The following TENM2 variants were observed in gnomAD, a reference collection of about 807,000 sequenced individuals.
The protein encoded by TENM2 is teneurin-2.
A neutral mutation model predicts 245.2 loss-of-function variants in TENM2; 52 were observed. That is an observed-to-expected ratio of 0.21 (90% CI 0.17 to 0.27). TENM2 has a LOEUF of 0.27. TENM2 is among the 10% of genes least tolerant of loss of function. TENM2 has a pLI of 1.00. For synonymous variants in TENM2, 1,363 were observed against 1,438.9 expected (o/e 0.95, Z 1.19); for missense variants, 3,046 against 3,666.8 (o/e 0.83, Z 4.37).
At chr5:167,535,983 C>T (rs986953728) in intron 2 of TENM2, among the ~76,000 whole-genome samples, 8 of 152,224 alleles carry the variant, frequency 5.3e-5, no homozygotes, top group Middle Eastern at 6.8e-3. Context: ...CTTTGCCAAG[C>T]AGTCTACATG....
chr5:167,452,948 T>TATTTTTTAA (rs1554157744), intron 2 of TENM2, among the ~76,000 whole-genome samples: 3 of 47,510 alleles, frequency 6.3e-5, no homozygotes, highest in South Asian at 7.0e-4. Context: ...TATATATATA[T>TATTTTTTAA]ATATATATAT....
At chr5:167,671,973 C>T (rs936917564) in intron 2 of TENM2, among the ~76,000 whole-genome samples, 4 of 151,992 alleles carry the variant, frequency 2.6e-5, no homozygotes, top group Admixed American at 1.3e-4. Flanking sequence ...GTTTTTCCTG[C>T]ATTATCTCAC....
exon 27 of TENM2, chr5:168,246,957 C>A: frequency 1.9e-6 from 3 of 1,614,018 alleles, no homozygotes; most frequent in Non-Finnish European, 2.5e-6. Context: ...ACGGCCGCAT[C>A]CTGAAGACCT....
At chr5:167,883,600 A>T (rs1774051060) in intron 3 of TENM2, among the ~76,000 whole-genome samples, 1 of 152,200 alleles carries the variant, frequency 6.6e-6, no homozygotes, top group South Asian at 2.1e-4. Flanking sequence ...CAAAATTCTC[A>T]GGGTCGATAG....
rs1764153975 is a variant in TENM2 at position 168,226,070 on chromosome 5, C to T, written c.5109-18C>T. On this transcript the variant is annotated intron_variant, in intron 23 of 28. Coordinates refer to ENST00000518659, the Ensembl canonical transcript of TENM2. ...CTGCTGCTAACCAGGGTTTATCTAT[C>T]TATCTATCTCCCCCCAGCTATGACC... 4 of 1,608,244 alleles carry T rather than the reference C, an allele frequency of 2.5e-6. No individual in the cohort carries two copies. The highest frequency in any genetic ancestry group is 1.3e-5 in the African/African-American group (1 of 74,788).
chr5:167,201,457 A>G, the TENM2 span, among the ~76,000 whole-genome samples: 2 of 152,234 alleles, frequency 1.3e-5, no homozygotes, highest in Non-Finnish European at 2.9e-5. Flanking sequence ...CATAAATATT[A>G]AATGTAATGG....
the TENM2 span, among the ~76,000 whole-genome samples, chr5:167,069,087 G>A: frequency 6.6e-6 from 1 of 152,172 alleles, no homozygotes; most frequent in East Asian, 1.9e-4. Context: ...CAACTAATTA[G>A]CATTTACTAA....
chr5:167,492,304 C>T (rs750910234), intron 2 of TENM2, among the ~76,000 whole-genome samples: 1 of 152,038 alleles, frequency 6.6e-6, no homozygotes, highest in Non-Finnish European at 1.5e-5. Flanking sequence ...ACTTGAATGT[C>T]CTTGAGGAGG....
At chr5:167,213,941 C>A in the TENM2 span, among the ~76,000 whole-genome samples, 1 of 152,142 alleles carries the variant, frequency 6.6e-6, no homozygotes, top group Non-Finnish European at 1.5e-5. Context: ...CCAAGTTGGC[C>A]ACTATGGGCC....
chr5:167,592,285 A>C (rs1233158685), intron 2 of TENM2, among the ~76,000 whole-genome samples: 1 of 152,208 alleles, frequency 6.6e-6, no homozygotes, highest in East Asian at 1.9e-4. Flanking sequence ...CTGATTCATC[A>C]GTGGGCAAAC....
intron 2 of TENM2, among the ~76,000 whole-genome samples, chr5:167,411,013 A>G (rs1186046881): frequency 6.6e-6 from 1 of 152,044 alleles, no homozygotes; most frequent in Non-Finnish European, 1.5e-5. Context: ...ATTCTTTAAA[A>G]TTATACATTT....
At chr5:167,139,429 C>T in the TENM2 span, among the ~76,000 whole-genome samples, 1 of 152,150 alleles carries the variant, frequency 6.6e-6, no homozygotes, top group Non-Finnish European at 1.5e-5. Flanking sequence ...AATTGTATGA[C>T]ACATAGATTC....
intron 2 of TENM2, among the ~76,000 whole-genome samples, chr5:167,831,191 A>C (rs73803223): frequency 6.6e-6 from 1 of 152,012 alleles, no homozygotes; most frequent in Non-Finnish European, 1.5e-5. Flanking sequence ...GGAATGGCTT[A>C]TATAAATTTT....
At chr5:167,077,381 GTCTTCTTTAA>G in the TENM2 span, among the ~76,000 whole-genome samples, 1 of 151,962 alleles carries the variant, frequency 6.6e-6, no homozygotes, top group Non-Finnish European at 1.5e-5. Context: ...CAAAAGTAAA[GTCTTCTTTAA>G]TCCTGAAAAC....
intron 2 of TENM2, among the ~76,000 whole-genome samples, chr5:167,597,517 G>T (rs1184185144): frequency 6.6e-6 from 1 of 152,110 alleles, no homozygotes; most frequent in African/African-American, 2.4e-5. Flanking sequence ...TTGAGAACAT[G>T]TAAAATTTTC....
At chr5:167,389,246 T>TAA (rs748680939) in intron 2 of TENM2, among the ~76,000 whole-genome samples, 54 of 117,334 alleles carry the variant, frequency 4.6e-4, no homozygotes, top group Non-Finnish European at 7.8e-4. Flanking sequence ...ATAGTGCATT[T>TAA]AAAATATATA....
At chr5:167,047,606 C>T in the TENM2 span, among the ~76,000 whole-genome samples, 2 of 152,116 alleles carry the variant, frequency 1.3e-5, no homozygotes, top group Non-Finnish European at 2.9e-5. Flanking sequence ...TTTGAGTCAG[C>T]TTCTTGGTTT....
At chr5:167,682,226 G>A (rs1756779705) in intron 2 of TENM2, among the ~76,000 whole-genome samples, 1 of 151,230 alleles carries the variant, frequency 6.6e-6, no homozygotes, top group African/African-American at 2.4e-5. Flanking sequence ...GCGGTGGCAT[G>A]ATCTCGGCTC....
At chr5:167,602,309 G>A (rs1220174530) in intron 2 of TENM2, among the ~76,000 whole-genome samples, 1 of 152,046 alleles carries the variant, frequency 6.6e-6, no homozygotes, top group Non-Finnish European at 1.5e-5. Flanking sequence ...AATTGGTATC[G>A]AGGACCTTTT....
Sources: gnomAD v4.1 joint callset for allele counts (sites outside exome capture counted in the v4.1 genomes callset) on GRCh38, gnomAD v4.1.1 for gene constraint, MANE v1.5 for transcripts, NCBI Gene and HGNC (gene_info 2026-07-23, HGNC 2026-07-21) for gene names.